Variants in BICC1 observed in about 807,000 individuals in gnomAD.
The protein encoded by BICC1 is protein bicaudal C homolog 1.
A neutral mutation model predicts 111.0 loss-of-function variants in BICC1; 43 were observed. That is an observed-to-expected ratio of 0.39 (90% CI 0.30 to 0.50). BICC1 has a LOEUF of 0.50. Ranked by LOEUF, BICC1 falls within the 20% of genes least tolerant of loss-of-function variation. The pLI, the probability that BICC1 is intolerant of heterozygous loss-of-function variation, is 0.88. For missense variants in BICC1, 1,091 were observed against 1,203.2 expected (o/e 0.91, Z 1.38); for synonymous variants, 467 against 434.4 (o/e 1.07, Z -0.93).
intron 3 of BICC1, among the ~76,000 whole-genome samples, chr10:58,750,750 A>G (rs1423321296): frequency 6.6e-6 from 1 of 152,202 alleles, no homozygotes; most frequent in Non-Finnish European, 1.5e-5. Context: ...AATTACCATT[A>G]TAATCCAGCT....
chr10:58,738,116 G>A (rs546906808), intron 3 of BICC1, among the ~76,000 whole-genome samples: 20 of 152,208 alleles, frequency 1.3e-4, no homozygotes, highest in Admixed American at 1.1e-3. Context: ...GTCAATTTTG[G>A]CTTTTGTTGC....
chr10:58,512,628 AGTGT>A (rs755064263), upstream of BICC1, among the ~76,000 whole-genome samples: 4 of 151,936 alleles, frequency 2.6e-5, no homozygotes, highest in Non-Finnish European at 5.9e-5. Context: ...TGCGTTCAGG[AGTGT>A]GTGTGTTTGA....
chr10:58,606,149 A>G (rs1449514912), intron 1 of BICC1, among the ~76,000 whole-genome samples: 7 of 151,950 alleles, frequency 4.6e-5, no homozygotes, highest in Admixed American at 4.6e-4. Flanking sequence ...AGCTGTCATC[A>G]TGGAATTTGC....
At chr10:58,710,371 A>T (rs967793109) in intron 3 of BICC1, among the ~76,000 whole-genome samples, 4 of 152,192 alleles carry the variant, frequency 2.6e-5, no homozygotes, top group African/African-American at 9.7e-5. Flanking sequence ...TCTCTTCAGC[A>T]ACCATTGCCA....
intron 2 of BICC1, among the ~76,000 whole-genome samples, chr10:58,681,709 C>T (rs1373058316): frequency 3.9e-5 from 6 of 152,166 alleles, no homozygotes; most frequent in South Asian, 2.1e-4. Flanking sequence ...TGGACCCTCG[C>T]GGTGAGTGTT....
At chr10:58,726,988 T>C (rs776071670) in intron 3 of BICC1, among the ~76,000 whole-genome samples, 3 of 152,104 alleles carry the variant, frequency 2.0e-5, no homozygotes, top group Non-Finnish European at 4.4e-5. Flanking sequence ...GGATGGAAGA[T>C]TGAGGAAACA....
intron 3 of BICC1, among the ~76,000 whole-genome samples, chr10:58,777,492 C>T (rs1842778404): frequency 6.6e-6 from 1 of 151,990 alleles, no homozygotes; most frequent in African/African-American, 2.4e-5. Context: ...ATTGGTAAAC[C>T]ATTCACAGGC....
intron 3 of BICC1, among the ~76,000 whole-genome samples, chr10:58,741,422 A>T (rs1841660455): frequency 6.6e-6 from 1 of 152,196 alleles, no homozygotes; most frequent in Admixed American, 6.5e-5. Context: ...TCAAATAAGG[A>T]TACTGTAGTC....
rs1304073130 is a variant in BICC1 at position 58,805,633 on chromosome 10, A to T, written c.2182-951A>T. On this transcript the variant is annotated intron_variant, in intron 15 of 20. Transcript: ENST00000373886. ...GGGACAGCCTCTATTTACTTTTATT[A>T]TCTTGGCCTAATTGTTATTCACAGC... Among the ~76,000 whole-genome samples the T allele has an allele frequency of 9.2e-5, 14 of 152,182 alleles. 1 individual carries two copies. Among genetic ancestry groups the T allele is most frequent in the Admixed American group, 6.5e-5 (1 of 15,276 alleles).
intron 3 of BICC1, among the ~76,000 whole-genome samples, chr10:58,749,201 T>A (rs1841918697): frequency 6.6e-6 from 1 of 152,116 alleles, no homozygotes; most frequent in African/African-American, 2.4e-5. Flanking sequence ...GTCCATGGTA[T>A]GCGTTAGATG....
At chr10:58,575,435 C>CA (rs1232255937) in intron 1 of BICC1, among the ~76,000 whole-genome samples, 1 of 152,174 alleles carries the variant, frequency 6.6e-6, no homozygotes, top group African/African-American at 2.4e-5. Flanking sequence ...ATAGTCGAGG[C>CA]AAACTGGGAT....
At chr10:58,802,562 CT>C (rs1843582650) in intron 14 of BICC1, among the ~76,000 whole-genome samples, 1 of 152,112 alleles carries the variant, frequency 6.6e-6, no homozygotes, top group Admixed American at 6.5e-5. Flanking sequence ...AAGAATATTT[CT>C]TATTTATCTG....
At chr10:58,602,352 CG>C (rs1274974242) in intron 1 of BICC1, among the ~76,000 whole-genome samples, 1 of 152,038 alleles carries the variant, frequency 6.6e-6, no homozygotes, top group Non-Finnish European at 1.5e-5. Context: ...GAAAGGAAAT[CG>C]AGGTAACATT....
intron 2 of BICC1, among the ~76,000 whole-genome samples, chr10:58,651,518 A>C (rs1407133603): frequency 6.6e-6 from 1 of 152,194 alleles, no homozygotes. Context: ...TTGCAGCCCA[A>C]AATAGCGGCC....
chr10:58,633,652 TA>T (rs879854427), intron 2 of BICC1, among the ~76,000 whole-genome samples: 1 of 152,008 alleles, frequency 6.6e-6, no homozygotes, highest in African/African-American at 2.4e-5. Context: ...ATATGCAGTT[TA>T]AAAAAAATGT....
chr10:58,701,684 G>A (rs1001575955), intron 2 of BICC1, among the ~76,000 whole-genome samples: 1 of 152,132 alleles, frequency 6.6e-6, no homozygotes, highest in African/African-American at 2.4e-5. Flanking sequence ...TTGTATTACA[G>A]GAATCATGTT....
At chr10:58,566,879 G>A (rs1245957917) in intron 1 of BICC1, among the ~76,000 whole-genome samples, 1 of 152,038 alleles carries the variant, frequency 6.6e-6, no homozygotes, top group Non-Finnish European at 1.5e-5. Context: ...TTGCTTACCT[G>A]GTGTTTAAGT....
intron 2 of BICC1, among the ~76,000 whole-genome samples, chr10:58,678,650 A>G (rs1169094513): frequency 1.3e-5 from 2 of 152,190 alleles, no homozygotes; most frequent in Non-Finnish European, 2.9e-5. Flanking sequence ...TAACAAGGAT[A>G]TTCAGGACTT....
intron 1 of BICC1, among the ~76,000 whole-genome samples, chr10:58,543,009 A>G (rs1843036766): frequency 6.6e-6 from 1 of 151,992 alleles, no homozygotes; most frequent in Non-Finnish European, 1.5e-5. Flanking sequence ...CAGCAATCTC[A>G]CTTCTGGGTT....
Sources: allele counts gnomAD v4.1 joint callset (sites outside exome capture counted in the v4.1 genomes callset), GRCh38; gene constraint gnomAD v4.1.1; transcripts MANE v1.5; gene names NCBI Gene and HGNC (gene_info 2026-07-23, HGNC 2026-07-21).